The following HDAC9 variants were observed in gnomAD, a reference collection of about 807,000 sequenced individuals.
HDAC9 encodes histone deacetylase 9, also known as MEF-2 interacting transcription repressor (MITR) protein.
Under a neutral mutation model 139.4 loss-of-function variants are expected in HDAC9, and 41 were observed. The observed-to-expected ratio is 0.29, with a 90% CI of 0.23 to 0.38. HDAC9 has a LOEUF of 0.38. Among genes scored for constraint, HDAC9 ranks in the 10% least tolerant of loss-of-function variants. HDAC9 has a pLI of 1.00. For synonymous variants in HDAC9, 517 were observed against 476.2 expected, an observed-to-expected ratio of 1.09 and a Z score of -1.12; for missense variants, 1,147 against 1,297.0, an observed-to-expected ratio of 0.88 and a Z score of 1.78.
rs866513115 is a variant in HDAC9, at chr7:18,427,516, A to G, written c.-41-68746A>G. Among the ~76,000 whole-genome samples, 10 of 151,666 alleles carry G rather than the reference A, an allele frequency of 6.6e-5. 1 individual carries two copies. The Middle Eastern group carries it at 0.02, about 310-fold the overall frequency. On this transcript the variant is annotated intron_variant, in intron 1 of 3. Coordinates refer to the HDAC9 transcript ENST00000413509. ...CCCTTGACTCCTCTTCCCTCTCCCA[A>G]TCCACAATCAATCTATCTTTGAATC... is the stretch of plus-strand genomic sequence containing the variant.
chr7:18,708,906 C>T (rs755666955), intron 12 of HDAC9, among the ~76,000 whole-genome samples: 3 of 150,848 alleles, frequency 2.0e-5, no homozygotes, highest in Admixed American at 1.3e-4. Flanking sequence ...TCTTTCTCCT[C>T]TCTCCACACA....
chr7:18,560,648 T>C (rs577375415), intron 2 of HDAC9, among the ~76,000 whole-genome samples: 26 of 152,320 alleles, frequency 1.7e-4, no homozygotes, highest in Non-Finnish European at 3.5e-4. Context: ...GCACAGTGAT[T>C]GGCACCTAGT....
chr7:18,822,414 G>C (rs1795053869), intron 17 of HDAC9, among the ~76,000 whole-genome samples: 1 of 152,116 alleles, frequency 6.6e-6, no homozygotes, highest in South Asian at 2.1e-4. Context: ...GGGTGCAATG[G>C]GGCGATCACA....
At chr7:18,125,631 C>T (rs555906855) in intron 1 of HDAC9, among the ~76,000 whole-genome samples, 2 of 151,880 alleles carry the variant, frequency 1.3e-5, no homozygotes, top group African/African-American at 4.8e-5. Context: ...TCTCAGGGGT[C>T]GGCATACCAT....
chr7:18,993,087 T>C (rs1267530667), intron 25 of HDAC9, among the ~76,000 whole-genome samples: 16 of 149,190 alleles, frequency 1.1e-4, no homozygotes, highest in Admixed American at 1.1e-3. Context: ...ACTCACCAGA[T>C]ATCTTTCTAA....
intron 2 of HDAC9, among the ~76,000 whole-genome samples, chr7:18,167,247 C>T (rs376383336): frequency 2.1e-4 from 31 of 150,768 alleles, no homozygotes; most frequent in African/African-American, 5.8e-4. Flanking sequence ...CATTCTTTTG[C>T]CATTTGTAAG....
intron 2 of HDAC9, among the ~76,000 whole-genome samples, chr7:18,263,811 G>A (rs964337224): frequency 5.3e-5 from 8 of 151,968 alleles, no homozygotes; most frequent in Non-Finnish European, 8.8e-5. Flanking sequence ...TAGAGATGGG[G>A]TTTCGCCATG....
rs539001340 is a variant in HDAC9, at chr7:18,681,253, G to A, written c.1731+14777G>A. Reference sequence around the variant, plus strand: ...GTTGAAAAAGAAAATATTTTGTTTCGTTTTTGAATTAGAATATTCCAGTTT... The same window carrying A: ...GTTGAAAAAGAAAATATTTTGTTTCATTTTTGAATTAGAATATTCCAGTTT... On this transcript the variant is annotated intron_variant, in intron 12 of 25. Transcript: ENST00000686413. 3.6e-4 allele frequency among the ~76,000 whole-genome samples: 54 copies of A among 151,950 alleles called. No individual in the cohort carries two copies. The Middle Eastern group carries it at 0.01, about 29-fold the overall frequency.
intron 2 of HDAC9, among the ~76,000 whole-genome samples, chr7:18,243,273 G>A (rs1318031754): frequency 6.6e-6 from 1 of 152,194 alleles, no homozygotes; most frequent in South Asian, 2.1e-4. Flanking sequence ...ATGGTGCTAC[G>A]AAACTATTCT....
intron 1 of HDAC9, among the ~76,000 whole-genome samples, chr7:18,353,240 G>C (rs1239863630): frequency 2.6e-5 from 4 of 151,800 alleles, no homozygotes; most frequent in Admixed American, 2.0e-4. Context: ...TGGGATATTT[G>C]ATGTCTCAGG....
Position 18,666,383 on chromosome 7 carries a change from G to C in HDAC9, c.1638G>C (p.Gly546=). 1 of 1,613,212 alleles carries C rather than the reference G, an allele frequency of 6.2e-7. No individual in the cohort carries two copies. Among genetic ancestry groups the C allele is most frequent in the Non-Finnish European group, 8.5e-7 (1 of 1,179,572 alleles). ...ACVDDTLGQV[G]AVKVKEEPVD... is the part of the protein sequence containing the mutation. ...TGGATGACACACTGGGACAAGTTGG[G>C]GCTGTGAAGGTCAAGGAGGAACCAG... The change falls in exon 12 of 26, where the codon GGG becomes GGC. Residue 546 remains glycine (G), a synonymous_variant. Coordinates refer to ENST00000686413, the MANE Select transcript of HDAC9 (RefSeq NM_178425.4).
intron 1 of HDAC9, among the ~76,000 whole-genome samples, chr7:18,304,318 T>C (rs2994268): frequency 0.63 from 95,888 of 152,072 alleles, 31,927 homozygotes; most frequent in African/African-American, 0.86. Context: ...TCCCAAAGGT[T>C]TAGAGCTGGT....
chr7:18,318,728 A>G (rs1038439512), intron 1 of HDAC9, among the ~76,000 whole-genome samples: 1 of 152,216 alleles, frequency 6.6e-6, no homozygotes, highest in Non-Finnish European at 1.5e-5. Context: ...GGCTTCAAAG[A>G]GACCTGGGTT....
At chr7:18,731,241 A>T (rs1320099468) in intron 13 of HDAC9, among the ~76,000 whole-genome samples, 1 of 152,046 alleles carries the variant, frequency 6.6e-6, no homozygotes, top group Non-Finnish European at 1.5e-5. Flanking sequence ...GGCTATTTGT[A>T]TTTGTATTTT....
chr7:18,496,430 T>C, intron 2 of HDAC9, 106 bp downstream of exon 2: 2 of 936,042 alleles, frequency 2.1e-6, no homozygotes, highest in South Asian at 1.5e-5. Flanking sequence ...TGCTTTTTCG[T>C]GTTGATGTTG....
intron 1 of HDAC9, among the ~76,000 whole-genome samples, chr7:18,329,886 C>G (rs1206636268): frequency 6.6e-6 from 1 of 151,596 alleles, no homozygotes; most frequent in Non-Finnish European, 1.5e-5. Context: ...TTTAGCTAGC[C>G]ACAACATTCT....
At chr7:18,524,863 TACACACACACACACACAC>T (rs57123600) in intron 2 of HDAC9, among the ~76,000 whole-genome samples, 1 of 127,648 alleles carries the variant, frequency 7.8e-6, no homozygotes, top group Admixed American at 7.6e-5. Flanking sequence ...CTTAGTGACA[TACACACACACACACACAC>T]ACACACACAC....
chr7:18,607,327 A>G (rs1835799609), intron 6 of HDAC9, among the ~76,000 whole-genome samples: 1 of 152,244 alleles, frequency 6.6e-6, no homozygotes, highest in African/African-American at 2.4e-5. Context: ...AGCATGGAAA[A>G]TAATTTCATG....
intron 12 of HDAC9, among the ~76,000 whole-genome samples, chr7:18,717,559 G>A (rs1320555889): frequency 6.6e-6 from 1 of 151,392 alleles, no homozygotes; most frequent in African/African-American, 2.4e-5. Context: ...AGCTTCCCAA[G>A]TAGCCGGGAT....
Sources: gnomAD v4.1 joint callset for allele counts (sites outside exome capture counted in the v4.1 genomes callset) on GRCh38, gnomAD v4.1.1 for gene constraint, MANE v1.5 for transcripts, NCBI Gene and HGNC (gene_info 2026-07-23, HGNC 2026-07-21) for gene names.